Variants in SMARCA2 observed in about 807,000 individuals in gnomAD.
SMARCA2 encodes the protein SWI/SNF-related matrix-associated actin-dependent regulator of chromatin subfamily A member 2.
SMARCA2 carries 61 observed loss-of-function variants against 199.8 expected under a neutral mutation model. That is an observed-to-expected ratio of 0.31 (90% CI 0.25 to 0.38). SMARCA2 has a LOEUF of 0.38. SMARCA2 is among the 10% of genes least tolerant of loss of function. The probability of loss-of-function intolerance (pLI) is 1.00; values close to 1 mark genes in which losing one functional copy is unlikely to be tolerated. For missense variants in SMARCA2, 1,344 were observed against 2,012.2 expected (o/e 0.67, Z 6.35); for synonymous variants, 935 against 732.0 (o/e 1.28, Z -4.48).
At chr9:2,192,551 T>TTTAATGTGTTTCTGTCC in intron 33 of SMARCA2, 153 bp from the exon 34 acceptor site, 1 of 701,910 alleles carries the variant, frequency 1.4e-6, no homozygotes, top group Non-Finnish European at 2.6e-6. Flanking sequence ...TCGATGCCTC[T>TTTAATGTGTTTCTGTCC]TTAATGTGTT....
intron 20 of SMARCA2, chr9:2,097,150 T>C: frequency 7.9e-6 from 4 of 507,876 alleles, no homozygotes; most frequent in Non-Finnish European, 1.4e-5. Context: ...TATCCCTCAC[T>C]GGACATAATC....
At chr9:2,038,059 T>A (rs1281606638) in intron 3 of SMARCA2, among the ~76,000 whole-genome samples, 1 of 152,234 alleles carries the variant, frequency 6.6e-6, no homozygotes, top group Non-Finnish European at 1.5e-5. Flanking sequence ...AACAGTTTAC[T>A]CTCATTTTTA....
chr9:2,186,283 T>A, intron 32 of SMARCA2, 55 bp downstream of exon 32: 1 of 1,548,778 alleles, frequency 6.5e-7, no homozygotes. Context: ...CCTGCATAGC[T>A]GTCTCCACAG....
At chr9:2,101,037 G>C (rs769358726) in intron 21 of SMARCA2, among the ~76,000 whole-genome samples, 11 of 152,038 alleles carry the variant, frequency 7.2e-5, no homozygotes, top group African/African-American at 2.7e-4. Context: ...CCATGAGAAC[G>C]GCATGAGGGA....
chr9:2,069,362 G>C (rs185628744), intron 9 of SMARCA2, among the ~76,000 whole-genome samples: 6,167 of 151,160 alleles, frequency 0.041, 327 homozygotes, highest in African/African-American at 0.12. Flanking sequence ...TGAGACCATC[G>C]TGGCTAACAC....
At chr9:2,100,659 C>T (rs1018097885) in intron 21 of SMARCA2, among the ~76,000 whole-genome samples, 5 of 151,158 alleles carry the variant, frequency 3.3e-5, no homozygotes, top group Non-Finnish European at 7.4e-5. Context: ...GCTGAGACTG[C>T]GCCACTGCAC....
At chr9:2,166,574 C>T (rs79193889) in intron 28 of SMARCA2, among the ~76,000 whole-genome samples, 2,567 of 152,280 alleles carry the variant, frequency 0.017, 35 homozygotes, top group Middle Eastern at 0.048. Context: ...ATCCCATCAT[C>T]CTTGCATGAT....
At chr9:2,073,457 C>G in intron 11 of SMARCA2, 109 bp from the exon 12 acceptor site, 1 of 1,496,252 alleles carries the variant, frequency 6.7e-7, no homozygotes, top group South Asian at 1.2e-5. Flanking sequence ...GAAGTTGTTA[C>G]TTGGATTTGT....
intron 1 of SMARCA2, among the ~76,000 whole-genome samples, chr9:2,019,949 A>G (rs1818529617): frequency 6.6e-6 from 1 of 152,156 alleles, no homozygotes; most frequent in Non-Finnish European, 1.5e-5. Flanking sequence ...TGGTGCCATG[A>G]GGACAACTGA....
At chr9:2,118,546 T>C (rs1823317311) in intron 25 of SMARCA2, among the ~76,000 whole-genome samples, 1 of 152,178 alleles carries the variant, frequency 6.6e-6, no homozygotes, top group Non-Finnish European at 1.5e-5. Flanking sequence ...CTTTCTTCCC[T>C]CGACTGATAC....
chr9:2,070,538 A>G (rs903117329), intron 10 of SMARCA2, 67 bp downstream of exon 10: 2 of 1,121,880 alleles, frequency 1.8e-6, no homozygotes, highest in Non-Finnish European at 2.7e-6. Context: ...TGGCAGCACC[A>G]TTCTTCATGC....
rs898123859 is a variant in SMARCA2, at chr9:2,056,253, CT to C, written c.1174-412del. On this transcript the variant is annotated intron_variant, in intron 6 of 33. Transcript: ENST00000349721. The surrounding 1 kb of genome is among the most constrained non-coding windows in gnomAD (Gnocchi z 4.0). ...CACACGTGAAAGTAATTCTTTTATT[CT>C]TTTTTTGGAGCATCATTAAAATTAA... Among the ~76,000 whole-genome samples, 2 of 152,060 alleles carry C rather than the reference CT, an allele frequency of 1.3e-5. No homozygotes were observed. The highest frequency in any genetic ancestry group is 4.8e-5 in the African/African-American group (2 of 41,390).
At chr9:2,041,103 A>T (rs184387341) in intron 4 of SMARCA2, 1 of 346,328 alleles carries the variant, frequency 2.9e-6, no homozygotes, top group Admixed American at 4.7e-5. Flanking sequence ...TGGGCCTTAT[A>T]CCATGGGAGA....
chr9:2,174,168 G>T (rs1237175756), intron 29 of SMARCA2, among the ~76,000 whole-genome samples: 1 of 152,068 alleles, frequency 6.6e-6, no homozygotes, highest in African/African-American at 2.4e-5. Context: ...CCTCTTTCGA[G>T]GGTCTCTGCC....
chr9:2,094,310 CCT>C (rs1434394606), intron 19 of SMARCA2, among the ~76,000 whole-genome samples: 1 of 152,222 alleles, frequency 6.6e-6, no homozygotes, highest in Admixed American at 6.5e-5. Context: ...GAGCTGCTTG[CCT>C]CTCTGCTGAC....
intron 4 of SMARCA2, chr9:2,045,437 A>G (rs1056820552): frequency 6.6e-6 from 1 of 152,152 alleles, no homozygotes; most frequent in African/African-American, 2.4e-5. Flanking sequence ...CTTGTTTTAA[A>G]GCTCTCCAGG....
intron 33 of SMARCA2, 42 bp from the exon 34 acceptor site, chr9:2,192,662 A>C (rs770802210): frequency 1.4e-6 from 2 of 1,381,284 alleles, no homozygotes; most frequent in Non-Finnish European, 2.1e-6. Context: ...TTTTTCTTGC[A>C]TGTGATGTTA....
At chr9:2,132,449 T>A (rs1402325604) in intron 27 of SMARCA2, among the ~76,000 whole-genome samples, 2 of 151,954 alleles carry the variant, frequency 1.3e-5, no homozygotes, top group African/African-American at 4.8e-5. Flanking sequence ...CTGGCAAGAT[T>A]TTTTTGTGGG....
intron 29 of SMARCA2, among the ~76,000 whole-genome samples, chr9:2,175,808 T>G (rs951322731): frequency 6.6e-6 from 1 of 152,220 alleles, no homozygotes; most frequent in Non-Finnish European, 1.5e-5. Context: ...ATGCCTTTTT[T>G]AAATCCTTGT....
Sources: gnomAD v4.1 joint callset for allele counts (sites outside exome capture counted in the v4.1 genomes callset) on GRCh38, gnomAD v4.1.1 for gene constraint, Gnocchi (gnomAD v3.1) non-coding constraint, MANE v1.5 for transcripts, NCBI Gene and HGNC (gene_info 2026-07-23, HGNC 2026-07-21) for gene names.